Variants in FTCDNL1 observed in about 807,000 individuals in gnomAD.
The protein encoded by FTCDNL1 is formiminotransferase cyclodeaminase N-terminal like.
FTCDNL1 carries 11 observed loss-of-function variants against 5.9 expected under a neutral mutation model. The ratio of observed to expected loss-of-function variants is 1.87; its 90% confidence interval spans 1.18 to 3.10. The LOEUF is 3.10. FTCDNL1 is among the 30% of genes most tolerant of loss of function. The probability of loss-of-function intolerance (pLI) is 0.00; values close to 1 mark genes in which losing one functional copy is unlikely to be tolerated. For missense variants in FTCDNL1, 115 were observed against 65.5 expected, an observed-to-expected ratio of 1.76 and a Z score of -2.61; for synonymous variants, 58 against 24.8, an observed-to-expected ratio of 2.34 and a Z score of -3.99.
intron 3 of FTCDNL1, among the ~76,000 whole-genome samples, chr2:199,787,808 G>C (rs1439266791): frequency 2.0e-5 from 3 of 151,998 alleles, no homozygotes; most frequent in Non-Finnish European, 4.4e-5. Flanking sequence ...GAAGGAAACA[G>C]AGTATAAATT....
the FTCDNL1 span, among the ~76,000 whole-genome samples, chr2:199,746,491 G>T: frequency 6.6e-6 from 1 of 151,986 alleles, no homozygotes; most frequent in African/African-American, 2.4e-5. Context: ...AGGCAGAGAG[G>T]TCCAAGCCCT....
chr2:199,811,027 T>C lies in FTCDNL1; in HGVS notation c.*1678A>G, dbSNP rs1416225218. ...AGCACACGGAAACCACATTTCATCT[T>C]TTTCCCACACATGTACATAATGAAA... On this transcript the variant is annotated 3_prime_UTR_variant, in exon 5 of 5. Transcript: ENST00000420128. Among the ~76,000 whole-genome samples the C allele has an allele frequency of 6.6e-6, 1 of 152,134 alleles. No individual in the cohort carries two copies. The highest frequency in any genetic ancestry group is 1.5e-5 in the Non-Finnish European group (1 of 68,042).
intron 3 of FTCDNL1, among the ~76,000 whole-genome samples, chr2:199,798,054 C>T (rs1281773038): frequency 6.6e-6 from 1 of 152,208 alleles, no homozygotes; most frequent in African/African-American, 2.4e-5. Context: ...TGTGATGTCT[C>T]TACCCTCTTT....
chr2:199,847,415 A>C (rs1401511099), intron 2 of FTCDNL1, among the ~76,000 whole-genome samples: 1 of 152,232 alleles, frequency 6.6e-6, no homozygotes, highest in Non-Finnish European at 1.5e-5. Flanking sequence ...CTCCTGGAAG[A>C]AACGAGATAT....
chr2:199,776,281 T>C (rs1699066283), intron 3 of FTCDNL1, among the ~76,000 whole-genome samples: 1 of 152,118 alleles, frequency 6.6e-6, no homozygotes. Flanking sequence ...TGTCATATAA[T>C]GAGAACAAGG....
At position 199,850,543 on chromosome 2, in the gene FTCDNL1, G is replaced by A. The variant is rs143081129; in HGVS notation, c.-8+197C>T. 3.9e-5 allele frequency among the ~76,000 whole-genome samples: 6 copies of A among 152,318 alleles called. No homozygotes were observed. The South Asian group carries it at 1.0e-3, about 26-fold the overall frequency. On this transcript the variant is annotated intron_variant, in intron 1 of 4. Coordinates refer to ENST00000420128, the MANE Select transcript of FTCDNL1 (RefSeq NM_001363886.2). ...AAGCTGAAATGAGCGGCAGTACCAG[G>A]CTCAGAAAGTGACCCAAACGCAAGC...
chr2:199,704,487 A>T, the FTCDNL1 span, among the ~76,000 whole-genome samples: 1 of 152,074 alleles, frequency 6.6e-6, no homozygotes, highest in Non-Finnish European at 1.5e-5. Flanking sequence ...CAGAAAGAGA[A>T]AGTCCTTCCT....
chr2:199,783,776 A>G (rs996363745), intron 3 of FTCDNL1, among the ~76,000 whole-genome samples: 8 of 152,040 alleles, frequency 5.3e-5, no homozygotes, highest in African/African-American at 1.9e-4. Context: ...TACATTGTTC[A>G]TCATGTGAGT....
At chr2:199,822,267 G>A (rs994524365) in intron 3 of FTCDNL1, among the ~76,000 whole-genome samples, 1 of 152,108 alleles carries the variant, frequency 6.6e-6, no homozygotes, top group African/African-American at 2.4e-5. Flanking sequence ...ACTTGGGTGT[G>A]GTGGCATATG....
At chr2:199,745,558 C>T in the FTCDNL1 span, among the ~76,000 whole-genome samples, 1 of 152,218 alleles carries the variant, frequency 6.6e-6, no homozygotes, top group African/African-American at 2.4e-5. Context: ...ACATCATCTC[C>T]ATGCCAGGGA....
chr2:199,762,135 C>T (rs1393734732), intron 3 of FTCDNL1, among the ~76,000 whole-genome samples: 3 of 152,168 alleles, frequency 2.0e-5, no homozygotes. Context: ...AATCCCAGCA[C>T]TTTGGGAGGC....
chr2:199,724,295 T>TTAG, the FTCDNL1 span, among the ~76,000 whole-genome samples: 1 of 151,998 alleles, frequency 6.6e-6, no homozygotes, highest in Non-Finnish European at 1.5e-5. Context: ...ATTAATCTAG[T>TTAG]TAGTGGTCTA....
In FTCDNL1 at chr2:199,850,908, A is replaced by G. The variant is rs2076860657; in HGVS notation, c.-176T>C. The G allele has an allele frequency of 6.6e-6, 1 of 152,012 alleles. No homozygotes were observed. 9.4% of individuals were successfully genotyped at this position (152,012 alleles called of 1,614,324 possible). ...ACCACGTGGGCTGAAAGGGAACCCGAAGTGACTCCCGGCCTCCCCACAGGT... is the reference window on the plus strand; with the variant it reads ...ACCACGTGGGCTGAAAGGGAACCCGGAGTGACTCCCGGCCTCCCCACAGGT... On this transcript the variant is annotated 5_prime_UTR_variant, in exon 1 of 5. Coordinates refer to ENST00000420128, the MANE Select transcript of FTCDNL1 (RefSeq NM_001363886.2).
chr2:199,799,619 A>C (rs1401451319), intron 3 of FTCDNL1, among the ~76,000 whole-genome samples: 1 of 152,216 alleles, frequency 6.6e-6, no homozygotes, highest in Non-Finnish European at 1.5e-5. Context: ...CTCCCATTTT[A>C]AGATGACTCA....
chr2:199,814,024 G>A (rs1385591767), intron 4 of FTCDNL1, among the ~76,000 whole-genome samples: 1 of 151,604 alleles, frequency 6.6e-6, no homozygotes, highest in African/African-American at 2.4e-5. Flanking sequence ...GTTAAAATAA[G>A]GTAAAACCCT....
chr2:199,790,087 G>C (rs1420347652), intron 3 of FTCDNL1, among the ~76,000 whole-genome samples: 2 of 152,092 alleles, frequency 1.3e-5, no homozygotes, highest in African/African-American at 4.8e-5. Context: ...AAGAGGGTGG[G>C]AAGAGAAAGA....
the FTCDNL1 span, among the ~76,000 whole-genome samples, chr2:199,749,439 AT>A: frequency 2.0e-5 from 3 of 152,198 alleles, no homozygotes; most frequent in Non-Finnish European, 4.4e-5. Context: ...CCAGCCAATA[AT>A]CAGAGTATGA....
chr2:199,770,953 A>G (rs1698779126), intron 3 of FTCDNL1, among the ~76,000 whole-genome samples: 1 of 152,218 alleles, frequency 6.6e-6, no homozygotes, highest in Non-Finnish European at 1.5e-5. Context: ...CAGCCCTGTT[A>G]GAGGCTGAGC....
At chr2:199,697,391 T>C in the FTCDNL1 span, among the ~76,000 whole-genome samples, 4 of 152,002 alleles carry the variant, frequency 2.6e-5, no homozygotes, top group South Asian at 8.3e-4. Context: ...AAAGAGTAGG[T>C]CACCTAAAAA....
Sources: gnomAD v4.1 joint callset for allele counts (sites outside exome capture counted in the v4.1 genomes callset) on GRCh38, gnomAD v4.1.1 for gene constraint, MANE v1.5 for transcripts, NCBI Gene and HGNC (gene_info 2026-07-23, HGNC 2026-07-21) for gene names.